RALGAPB: variants seen among roughly 807,000 people sequenced by gnomAD.
The protein encoded by RALGAPB is Ral GTPase activating protein non-catalytic subunit beta.
In RALGAPB, 25 loss-of-function variants were observed where a neutral mutation model predicts 161.1. The ratio of observed to expected loss-of-function variants is 0.16; its 90% confidence interval spans 0.11 to 0.22. RALGAPB has a LOEUF of 0.22. Among genes scored for constraint, RALGAPB ranks in the 10% least tolerant of loss-of-function variants. The pLI is 1.00. For missense variants in RALGAPB, 1,391 were observed against 1,815.2 expected (o/e 0.77, Z 4.25); for synonymous variants, 629 against 626.1 (o/e 1.00, Z -0.07).
At chr20:38,510,399 T>C (rs1403546406) in intron 6 of RALGAPB, among the ~76,000 whole-genome samples, 2 of 152,224 alleles carry the variant, frequency 1.3e-5, no homozygotes, top group South Asian at 2.1e-4. Flanking sequence ...TAATATTTAC[T>C]GATATTTAGT....
intron 23 of RALGAPB, 121 bp downstream of exon 23, chr20:38,558,574 C>T (rs1399409868): frequency 9.9e-6 from 9 of 911,492 alleles, no homozygotes; most frequent in African/African-American, 1.7e-5. Context: ...AGGACTGCAG[C>T]CTGGGAAGTG....
intron 7 of RALGAPB, 47 bp downstream of exon 7, chr20:38,516,417 T>C (rs186115434): frequency 1.3e-6 from 2 of 1,545,250 alleles, no homozygotes; most frequent in East Asian, 4.5e-5. Flanking sequence ...TTCATTTAGA[T>C]AACTCTAGAG....
At chr20:38,554,225 GTGC>G (rs2087497478) in intron 22 of RALGAPB, 149 bp downstream of exon 22, 1 of 775,460 alleles carries the variant, frequency 1.3e-6, no homozygotes. Context: ...ATGAAATTCT[GTGC>G]TGCTGTAGGT....
chr20:38,511,434 C>CA (rs2085949072), intron 6 of RALGAPB, among the ~76,000 whole-genome samples: 1 of 151,458 alleles, frequency 6.6e-6, no homozygotes, highest in Non-Finnish European at 1.5e-5. Context: ...AGCAGATAAA[C>CA]ATGTGAACAA....
At chr20:38,478,166 G>T (rs538568828) in intron 1 of RALGAPB, among the ~76,000 whole-genome samples, 1 of 152,290 alleles carries the variant, frequency 6.6e-6, no homozygotes, top group African/African-American at 2.4e-5. Context: ...ATATGGTGAG[G>T]TATGGAGTCA....
At chr20:38,517,719 A>AT in intron 8 of RALGAPB, 65 bp downstream of exon 8, 1 of 1,605,778 alleles carries the variant, frequency 6.2e-7, no homozygotes, top group Non-Finnish European at 8.5e-7. Flanking sequence ...CATTCTTTTT[A>AT]TAAAGTCTTG....
chr20:38,562,985 A>T (rs1340261016), intron 24 of RALGAPB, among the ~76,000 whole-genome samples: 1 of 152,110 alleles, frequency 6.6e-6, no homozygotes, highest in Non-Finnish European at 1.5e-5. Context: ...CTGAGGTGGG[A>T]GGATCACTTG....
In RALGAPB at chr20:38,569,928, G is replaced by T; in HGVS notation, c.3995G>T (p.Arg1332Leu). 1 of 1,613,376 alleles carries T rather than the reference G, an allele frequency of 6.2e-7. No homozygotes were observed. Among genetic ancestry groups the T allele is most frequent in the Non-Finnish European group, 8.5e-7 (1 of 1,179,618 alleles). Reference protein sequence around the residue: ...SSRMRKLPQGRPVPPLGPETR... With the variant: ...SSRMRKLPQGLPVPPLGPETR... Reference sequence around the variant, plus strand: ...AGAATGAGGAAGCTGCCTCAGGGTCGCCCTGTTCCTCCCCTTGGACCTGAG... The same window carrying T: ...AGAATGAGGAAGCTGCCTCAGGGTCTCCCTGTTCCTCCCCTTGGACCTGAG... The change falls in exon 27 of 30, where the codon CGC (arginine) becomes CTC (leucine). Residue 1332 changes from arginine (R) to leucine (L), a missense_variant. Physicochemically the swap from Arg to Leu is moderately radical, Grantham distance 102 (BLOSUM62 -2). This residue lies in a region of RALGAPB where 436 missense variants were observed against 527.0 expected (regional missense o/e 0.83). Coordinates refer to ENST00000262879, the MANE Select transcript of RALGAPB (RefSeq NM_020336.4).
At chr20:38,552,582 T>C (rs573178627) in intron 21 of RALGAPB, among the ~76,000 whole-genome samples, 4 of 152,108 alleles carry the variant, frequency 2.6e-5, no homozygotes, top group South Asian at 2.1e-4. Context: ...TTACAAGTAA[T>C]AGAGGCAGTA....
At position 38,517,594 on chromosome 20, in the gene RALGAPB, C is replaced by A. The variant is rs568933534; in HGVS notation, c.1140C>A (p.Pro380=). ...AAAGTGCTGCTGTCAGTACCACCCC[C>A]CCACATAACCGGAGGCACCGGGCTG... The part of the protein sequence containing the change: ...MPQSAAVSTT[P]PHNRRHRAVT... Residue 380 remains proline, a synonymous_variant, in exon 8 of 30, where the codon CCC becomes CCA. Transcript: ENST00000262879. 7.4e-6 allele frequency: 12 copies of A among 1,613,886 alleles called. No homozygotes were observed. Among genetic ancestry groups the A allele is most frequent in the Non-Finnish European group, 1.0e-5 (12 of 1,179,976 alleles).
chr20:38,510,516 A>G (rs866007087), intron 6 of RALGAPB, among the ~76,000 whole-genome samples: 2 of 152,256 alleles, frequency 1.3e-5, no homozygotes, highest in African/African-American at 2.4e-5. Context: ...GTTACAAAAC[A>G]TAAGCAAACA....
At chr20:38,561,097 G>A (rs542894771) in intron 23 of RALGAPB, among the ~76,000 whole-genome samples, 11 of 152,296 alleles carry the variant, frequency 7.2e-5, no homozygotes, top group South Asian at 2.1e-4. Flanking sequence ...AGGCCGAGGC[G>A]CGCGGATCAC....
At chr20:38,536,062 G>A (rs1449391912) in intron 16 of RALGAPB, among the ~76,000 whole-genome samples, 1 of 152,172 alleles carries the variant, frequency 6.6e-6, no homozygotes, top group East Asian at 1.9e-4. Flanking sequence ...ACAATGTTGA[G>A]CAACTTCTAC....
intron 26 of RALGAPB, 193 bp from the exon 27 acceptor site, chr20:38,569,695 A>T: frequency 1.9e-6 from 1 of 527,882 alleles, no homozygotes; most frequent in Non-Finnish European, 3.4e-6. Flanking sequence ...GCCTTGTCCT[A>T]GGTTAAGACT....
chr20:38,498,780 C>T (rs551064632), intron 4 of RALGAPB, among the ~76,000 whole-genome samples: 1 of 152,292 alleles, frequency 6.6e-6, no homozygotes, highest in African/African-American at 2.4e-5. Context: ...GGGAACAGCC[C>T]CATTTTCATG....
intron 1 of RALGAPB, among the ~76,000 whole-genome samples, chr20:38,478,132 A>G (rs2084860446): frequency 6.6e-6 from 1 of 152,138 alleles, no homozygotes; most frequent in African/African-American, 2.4e-5. Flanking sequence ...AAAAAGAGAA[A>G]TGCCAGTTGA....
At chr20:38,479,432 G>A (rs775985552) in intron 1 of RALGAPB, among the ~76,000 whole-genome samples, 16 of 152,180 alleles carry the variant, frequency 1.1e-4, no homozygotes, top group Non-Finnish European at 2.1e-4. Flanking sequence ...GTCAGGCTAT[G>A]GTCTTAGAGT....
chr20:38,518,545 A>G (rs954783696), intron 9 of RALGAPB, among the ~76,000 whole-genome samples: 1 of 152,196 alleles, frequency 6.6e-6, no homozygotes, highest in Non-Finnish European at 1.5e-5. Context: ...AGAATTAATA[A>G]CTCAACCCTG....
At chr20:38,541,809 A>T (rs1398216528) in intron 18 of RALGAPB, among the ~76,000 whole-genome samples, 1 of 152,224 alleles carries the variant, frequency 6.6e-6, no homozygotes, top group Non-Finnish European at 1.5e-5. Context: ...GAATACTTCC[A>T]GATAAGGGGA....
Sources: gnomAD v4.1 joint callset for allele counts (sites outside exome capture counted in the v4.1 genomes callset) on GRCh38, gnomAD v4.1.1 for gene constraint, gnomAD v4.1.1 regional missense constraint, MANE v1.5 for transcripts, NCBI Gene and HGNC (gene_info 2026-07-23, HGNC 2026-07-21) for gene names.